Variants in PDE7A observed in about 807,000 individuals in gnomAD.
The protein encoded by PDE7A is phosphodiesterase 7A, also known as high affinity 3',5'-cyclic-AMP phosphodiesterase 7A.
In PDE7A, 39 loss-of-function variants were observed where a neutral mutation model predicts 64.3. That is an observed-to-expected ratio of 0.61 (90% confidence interval 0.47 to 0.79). The LOEUF (loss-of-function observed/expected upper bound fraction) is 0.79. Among genes scored for constraint, PDE7A ranks in the 30% least tolerant of loss-of-function variants. The probability of loss-of-function intolerance (pLI) is 0.00; values close to 1 mark genes in which losing one functional copy is unlikely to be tolerated. For synonymous variants in PDE7A, 203 were observed against 206.8 expected, an observed-to-expected ratio of 0.98 and a Z score of 0.16; for missense variants, 470 against 582.8, an observed-to-expected ratio of 0.81 and a Z score of 1.99.
At chr8:65,775,530 T>A (rs1809234690) in intron 3 of PDE7A, among the ~76,000 whole-genome samples, 2 of 152,236 alleles carry the variant, frequency 1.3e-5, no homozygotes, top group African/African-American at 4.8e-5. Flanking sequence ...TATTTCAGAA[T>A]TTGAAAAATT....
intron 1 of PDE7A, among the ~76,000 whole-genome samples, chr8:65,798,206 A>ATATATATATATATATTTTTTT: frequency 7.7e-4 from 57 of 73,774 alleles, no homozygotes; most frequent in South Asian, 1.4e-3. Flanking sequence ...ATATATATAT[A>ATATATATATATATATTTTTTT]TTTTTTTTTT....
At position 65,719,663 on chromosome 8, in the gene PDE7A, T is replaced by C. The variant is rs115218934; in HGVS notation, c.1244-168A>G. On this transcript the variant is annotated intron_variant, in intron 12 of 12. Coordinates refer to ENST00000401827, the MANE Select transcript of PDE7A (RefSeq NM_001242318.3). The stretch of plus-strand genomic sequence containing the variant: ...GGTGACAGAGTCTGTAATGTACATA[T>C]CCACTTTGAAGAACTGATTTCTTAA... 8.8e-4 allele frequency: 518 copies of C among 587,840 alleles called. 2 individuals carry two copies. The African/African-American group carries it at 9.0e-3, about 10-fold the overall frequency. The allele number at this position is 587,840 out of a possible 1,614,324, so 36.4% of individuals were successfully genotyped here.
intron 1 of PDE7A, among the ~76,000 whole-genome samples, chr8:65,817,273 T>C (rs1413323442): frequency 2.0e-5 from 3 of 152,196 alleles, no homozygotes; most frequent in Non-Finnish European, 4.4e-5. Flanking sequence ...ATTAATATCT[T>C]ACATAACTGT....
chr8:65,715,201 T>C lies in PDE7A; in HGVS notation c.*4089A>G, dbSNP rs1227358019. The stretch of plus-strand genomic sequence containing the variant: ...TTAAATATTTAACTGTTTCCTAAAA[T>C]TTTTTAGAAAAAAATATTCCAGTAA... On this transcript the variant is annotated 3_prime_UTR_variant, in exon 13 of 13. Transcript: ENST00000401827. Among the ~76,000 whole-genome samples, 1 of 152,056 alleles carries C rather than the reference T, an allele frequency of 6.6e-6. No individual in the cohort carries two copies. Among genetic ancestry groups the C allele is most frequent in the Non-Finnish European group, 1.5e-5 (1 of 67,986 alleles).
chr8:65,725,857 C>T (rs1806585408), intron 9 of PDE7A, among the ~76,000 whole-genome samples: 2 of 152,200 alleles, frequency 1.3e-5, no homozygotes, highest in South Asian at 4.1e-4. Context: ...TTTAATCTGT[C>T]TTAATTTTAA....
chr8:65,777,613 C>T (rs1039253256), intron 3 of PDE7A, among the ~76,000 whole-genome samples: 2 of 152,070 alleles, frequency 1.3e-5, no homozygotes, highest in African/African-American at 4.8e-5. Context: ...TACATGCTAG[C>T]CTTACGTAAC....
chr8:65,726,474 T>C (rs1017723660), intron 9 of PDE7A, among the ~76,000 whole-genome samples: 1 of 152,186 alleles, frequency 6.6e-6, no homozygotes, highest in Non-Finnish European at 1.5e-5. Context: ...TGGGAACAGA[T>C]TTTAATGAAT....
At chr8:65,838,048 AATG>A (rs764463848) in intron 1 of PDE7A, among the ~76,000 whole-genome samples, 67 of 152,284 alleles carry the variant, frequency 4.4e-4, no homozygotes, top group Admixed American at 1.0e-3. Flanking sequence ...AAAAAAGACA[AATG>A]ATAACTTAGC....
At chr8:65,791,176 A>G (rs1423685623) in intron 1 of PDE7A, among the ~76,000 whole-genome samples, 1 of 152,234 alleles carries the variant, frequency 6.6e-6, no homozygotes, top group Non-Finnish European at 1.5e-5. Context: ...GAAGTAAGAA[A>G]GGCAGTTCTA....
chr8:65,826,049 C>G (rs1257074626), intron 1 of PDE7A, among the ~76,000 whole-genome samples: 1 of 152,104 alleles, frequency 6.6e-6, no homozygotes, highest in Non-Finnish European at 1.5e-5. Context: ...TGGGAAGAGC[C>G]TGAGTCTGAC....
chr8:65,715,088 A>G lies in PDE7A; in HGVS notation c.*4202T>C, dbSNP rs1011395638. On this transcript the variant is annotated 3_prime_UTR_variant, in exon 13 of 13. Coordinates refer to ENST00000401827, the MANE Select transcript of PDE7A (RefSeq NM_001242318.3). The stretch of plus-strand genomic sequence containing the variant: ...GAGCCAAGAGGCCCAAAGGGTGGCC[A>G]TGTGTGTGAAAATTTTTAGTCTCCC... 1.3e-5 allele frequency among the ~76,000 whole-genome samples: 2 copies of G among 152,170 alleles called. No individual in the cohort carries two copies. The highest frequency in any genetic ancestry group is 1.9e-4 in the East Asian group (1 of 5,204).
intron 3 of PDE7A, among the ~76,000 whole-genome samples, chr8:65,773,472 C>T (rs1266752513): frequency 1.3e-5 from 2 of 152,158 alleles, no homozygotes; most frequent in Admixed American, 6.5e-5. Context: ...CTCCAGTGTT[C>T]TAAATACCAT....
chr8:65,810,662 C>T (rs1259359582), intron 1 of PDE7A, among the ~76,000 whole-genome samples: 4 of 151,910 alleles, frequency 2.6e-5, no homozygotes, highest in Non-Finnish European at 5.9e-5. Context: ...AGGTAATTTA[C>T]TATATTAGAG....
In PDE7A at chr8:65,715,662, G is replaced by A. The variant is rs554442966; in HGVS notation, c.*3628C>T. ...CAAAGTGCTGGGATTACAGGTGTGA[G>A]CCACCATGCCCGGCCACAAAAATGT... On this transcript the variant is annotated 3_prime_UTR_variant, in exon 13 of 13. Coordinates refer to ENST00000401827, the MANE Select transcript of PDE7A (RefSeq NM_001242318.3). 6.9e-6 allele frequency among the ~76,000 whole-genome samples: 1 copy of A among 144,114 alleles called. No homozygotes were observed. The highest frequency in any genetic ancestry group is 2.5e-4 in the East Asian group (1 of 4,064). 94.5% of individuals were successfully genotyped at this position (144,114 alleles called of 152,430 possible). A position where few individuals can be genotyped will look rare whatever the true frequency, so the allele number is the denominator to read the frequency against.
At chr8:65,824,229 T>C (rs1280216315) in intron 1 of PDE7A, among the ~76,000 whole-genome samples, 1 of 152,226 alleles carries the variant, frequency 6.6e-6, no homozygotes, top group Non-Finnish European at 1.5e-5. Context: ...TGGTGATCTG[T>C]GATAGTGATC....
At chr8:65,729,108 C>T (rs1806727104) in intron 7 of PDE7A, among the ~76,000 whole-genome samples, 1 of 152,060 alleles carries the variant, frequency 6.6e-6, no homozygotes, top group Non-Finnish European at 1.5e-5. Context: ...ATGTTATTTC[C>T]ATTCTGTGAT....
intron 3 of PDE7A, among the ~76,000 whole-genome samples, chr8:65,761,611 T>C (rs1808498585): frequency 6.6e-6 from 1 of 152,162 alleles, no homozygotes; most frequent in East Asian, 1.9e-4. Context: ...TGCTGGCTCT[T>C]TTCTAAAATA....
intron 1 of PDE7A, among the ~76,000 whole-genome samples, chr8:65,825,932 G>C (rs1810662376): frequency 6.6e-6 from 1 of 152,128 alleles, no homozygotes; most frequent in African/African-American, 2.4e-5. Context: ...ATAAAACGAA[G>C]TGTAACAGGT....
chr8:65,815,136 T>C (rs959034384), intron 1 of PDE7A, among the ~76,000 whole-genome samples: 1 of 152,138 alleles, frequency 6.6e-6, no homozygotes, highest in Non-Finnish European at 1.5e-5. Context: ...ACAATAATGT[T>C]GACAATATTT....
Sources: gnomAD v4.1 joint callset for allele counts (sites outside exome capture counted in the v4.1 genomes callset) on GRCh38, gnomAD v4.1.1 for gene constraint, MANE v1.5 for transcripts, NCBI Gene and HGNC (gene_info 2026-07-23, HGNC 2026-07-21) for gene names.